Variants in MSH4 observed in about 807,000 individuals in gnomAD.
MSH4 encodes mutS protein homolog 4.
A neutral mutation model predicts 113.7 loss-of-function variants in MSH4; 106 were observed. The observed-to-expected ratio is 0.93, with a 90% CI of 0.80 to 1.10. The LOEUF (loss-of-function observed/expected upper bound fraction) is 1.10. Among genes scored for constraint, MSH4 ranks in the 50% least tolerant of loss-of-function variants. The pLI, the probability that MSH4 is intolerant of heterozygous loss-of-function variation, is 0.00. For missense variants in MSH4, 1,061 were observed against 1,093.7 expected, an observed-to-expected ratio of 0.97 and a Z score of 0.42; for synonymous variants, 368 against 380.2, an observed-to-expected ratio of 0.97 and a Z score of 0.37.
Position 75,883,769 on chromosome 1 carries a change from A to G in MSH4, c.2055A>G (p.Gly685=), listed in dbSNP as rs2100574640. 6.2e-7 allele frequency: 1 copy of G among 1,613,330 alleles called. No homozygotes were observed. The highest frequency in any genetic ancestry group is 8.5e-7 in the Non-Finnish European group (1 of 1,179,588). ...FLIITGPNMS[G]KSTYLKQIAL... ...TCATAACTGGACCAAACATGAGTGG[A>G]AAATCCACATATTTAAAACAGATTG... Residue 685 remains glycine, a synonymous_variant, in exon 15 of 20, where the codon GGA becomes GGG. Coordinates refer to ENST00000263187, the MANE Select transcript of MSH4 (RefSeq NM_002440.4).
At chr1:75,871,960 T>C (rs1485975087) in intron 9 of MSH4, among the ~76,000 whole-genome samples, 1 of 152,204 alleles carries the variant, frequency 6.6e-6, no homozygotes, top group Non-Finnish European at 1.5e-5. Flanking sequence ...TGAGCATCCC[T>C]AACCCAAAAG....
intron 9 of MSH4, 73 bp from the exon 10 acceptor site, chr1:75,876,863 C>G: frequency 1.2e-6 from 1 of 805,824 alleles, no homozygotes; most frequent in South Asian, 2.3e-5. Flanking sequence ...AAGTATTAAA[C>G]AACTGTAAAA....
chr1:75,887,578 A>G (rs1266151893), intron 15 of MSH4, among the ~76,000 whole-genome samples: 1 of 152,110 alleles, frequency 6.6e-6, no homozygotes, highest in Admixed American at 6.5e-5. Context: ...ACACTCATAA[A>G]AATATGATAA....
At chr1:75,803,124 G>A (rs1649976205) in intron 1 of MSH4, among the ~76,000 whole-genome samples, 1 of 152,096 alleles carries the variant, frequency 6.6e-6, no homozygotes, top group South Asian at 2.1e-4. Context: ...TTTCAGAGGG[G>A]ACAGATATTC....
intron 17 of MSH4, among the ~76,000 whole-genome samples, chr1:75,894,040 A>G (rs1187600152): frequency 1.3e-5 from 2 of 152,192 alleles, no homozygotes; most frequent in African/African-American, 4.8e-5. Flanking sequence ...TCCAAATGAC[A>G]TACCTTTTAC....
intron 17 of MSH4, among the ~76,000 whole-genome samples, chr1:75,893,443 G>T (rs1287615280): frequency 6.6e-6 from 1 of 152,138 alleles, no homozygotes; most frequent in Admixed American, 6.5e-5. Context: ...GAATGTGTAG[G>T]GAGACACTGA....
chr1:75,858,246 A>G lies in MSH4; in HGVS notation c.1231-9268A>G, dbSNP rs548427597. Among the ~76,000 whole-genome samples the G allele has an allele frequency of 9.2e-5, 14 of 152,324 alleles. No individual in the cohort carries two copies. The South Asian group carries it at 2.9e-3, about 32-fold the overall frequency. ...TTTGACTTCCTCTCTTCCTATTCAAATACCCTTTATTTCTTTCTCTTGCCT... is the reference window on the plus strand; with the variant it reads ...TTTGACTTCCTCTCTTCCTATTCAAGTACCCTTTATTTCTTTCTCTTGCCT... On this transcript the variant is annotated intron_variant, in intron 8 of 19. Coordinates refer to ENST00000263187, the MANE Select transcript of MSH4 (RefSeq NM_002440.4).
chr1:75,825,534 C>T (rs368798823), intron 7 of MSH4, among the ~76,000 whole-genome samples: 10 of 152,230 alleles, frequency 6.6e-5, no homozygotes, highest in African/African-American at 2.4e-4. Context: ...ACATCCTTGT[C>T]TTGTGCCGGT....
At chr1:75,887,119 C>T (rs1652143270) in intron 15 of MSH4, among the ~76,000 whole-genome samples, 1 of 151,914 alleles carries the variant, frequency 6.6e-6, no homozygotes. Flanking sequence ...GTGTCTCCAC[C>T]CAAATCTCAC....
At chr1:75,862,730 T>C (rs1435843427) in intron 8 of MSH4, among the ~76,000 whole-genome samples, 1 of 152,216 alleles carries the variant, frequency 6.6e-6, no homozygotes, top group East Asian at 1.9e-4. Flanking sequence ...ATACAGTATT[T>C]ACTAAGTTCA....
chr1:75,833,509 G>A (rs567782128), intron 7 of MSH4, among the ~76,000 whole-genome samples: 69 of 152,188 alleles, frequency 4.5e-4, no homozygotes, highest in Non-Finnish European at 4.4e-4. Flanking sequence ...CAAAGATGGA[G>A]GCATCACGCT....
chr1:75,882,663 TAAAAA>T (rs35936506), intron 14 of MSH4, among the ~76,000 whole-genome samples: 1,336 of 123,804 alleles, frequency 0.011, 27 homozygotes, highest in African/African-American at 0.015. Flanking sequence ...ACCTCATTTC[TAAAAA>T]AAAAAAAAAA....
At chr1:75,836,022 G>A (rs546869136) in intron 7 of MSH4, among the ~76,000 whole-genome samples, 3 of 152,238 alleles carry the variant, frequency 2.0e-5, no homozygotes, top group South Asian at 2.1e-4. Context: ...CTGTTAGAGC[G>A]CTTTGTTCTT....
In MSH4 at chr1:75,912,751, C is replaced by A. The variant is rs368214645; in HGVS notation, c.2675C>A (p.Ala892Asp). 4 of 1,589,190 alleles carry A rather than the reference C, an allele frequency of 2.5e-6. No individual in the cohort carries two copies. The highest frequency in any genetic ancestry group is 3.4e-6 in the Non-Finnish European group (4 of 1,169,222). ...AGACAGAGAGCTGTGTACCATCTAG[C>A]CACTAGGCTTGTTCAAACTGCTCGA... ...MERQRAVYHL[A>D]TRLVQTARNS... Residue 892 changes from alanine to aspartate, a missense_variant, in exon 20 of 20, where the codon GCC becomes GAC. By Grantham distance (126) the Ala-to-Asp change is moderately radical (BLOSUM62 -2). Coordinates refer to ENST00000263187, the MANE Select transcript of MSH4 (RefSeq NM_002440.4).
At chr1:75,884,905 A>G (rs561229919) in intron 15 of MSH4, among the ~76,000 whole-genome samples, 1 of 151,548 alleles carries the variant, frequency 6.6e-6, no homozygotes, top group East Asian at 1.9e-4. Context: ...TGTCTGATTC[A>G]TGTAAGACAT....
chr1:75,863,126 A>C (rs1050058814), intron 8 of MSH4, among the ~76,000 whole-genome samples: 2 of 152,144 alleles, frequency 1.3e-5, no homozygotes, highest in African/African-American at 4.8e-5. Flanking sequence ...AAATGATTTC[A>C]GACTGCCATA....
Position 75,881,279 on chromosome 1 carries a change from A to G in MSH4, c.1815A>G (p.Glu605=), listed in dbSNP as rs2100572614. ...IVCKLLSEIY[E]HIHCLYKLSD... ...GCAAACTGCTTAGTGAGATTTATGAACATATTCATTGCTTATATAAACTAT... is the reference window on the plus strand; with the variant it reads ...GCAAACTGCTTAGTGAGATTTATGAGCATATTCATTGCTTATATAAACTAT... Residue 605 remains glutamate, a synonymous_variant, in exon 14 of 20, where the codon GAA becomes GAG. Transcript: ENST00000263187. 1 of 1,608,062 alleles carries G rather than the reference A, an allele frequency of 6.2e-7. No homozygotes were observed. Among genetic ancestry groups the G allele is most frequent in the Non-Finnish European group, 8.5e-7 (1 of 1,175,674 alleles).
At chr1:75,875,411 T>A (rs975572368) in intron 9 of MSH4, among the ~76,000 whole-genome samples, 1 of 152,202 alleles carries the variant, frequency 6.6e-6, no homozygotes, top group African/African-American at 2.4e-5. Flanking sequence ...AAATTCCTAT[T>A]TTTACTGTAT....
intron 8 of MSH4, among the ~76,000 whole-genome samples, chr1:75,857,202 G>A (rs1651338643): frequency 1.3e-5 from 2 of 152,082 alleles, no homozygotes; most frequent in South Asian, 2.1e-4. Context: ...TTTGTCGGAT[G>A]GATAGATTGC....
Sources: allele counts gnomAD v4.1 joint callset (sites outside exome capture counted in the v4.1 genomes callset), GRCh38; gene constraint gnomAD v4.1.1; transcripts MANE v1.5; gene names NCBI Gene and HGNC (gene_info 2026-07-23, HGNC 2026-07-21).